Variants in CFAP299 observed in about 807,000 individuals in gnomAD.
CFAP299 encodes the protein cilia and flagella associated protein 299.
A neutral mutation model predicts 27.0 loss-of-function variants in CFAP299; 21 were observed. The ratio of observed to expected loss-of-function variants is 0.78; its 90% confidence interval spans 0.55 to 1.12. The LOEUF is 1.12. Among genes scored for constraint, CFAP299 ranks in the 50% most tolerant of loss-of-function variants. The pLI is 0.00. For synonymous variants in CFAP299, 104 were observed against 98.1 expected (o/e 1.06, Z -0.36); for missense variants, 310 against 276.6 (o/e 1.12, Z -0.86).
chr4:80,745,170 A>G (rs1161744980), intron 3 of CFAP299, among the ~76,000 whole-genome samples: 2 of 152,196 alleles, frequency 1.3e-5, no homozygotes, highest in Non-Finnish European at 2.9e-5. Flanking sequence ...GCTAGGCTTA[A>G]TACCATTATC....
chr4:80,379,457 GT>G (rs140888859), intron 2 of CFAP299, among the ~76,000 whole-genome samples: 13,249 of 151,604 alleles, frequency 0.087, 1,040 homozygotes, highest in African/African-American at 0.2. Flanking sequence ...ATTTGTTTTA[GT>G]TTTCTAGTGC....
At chr4:80,916,534 C>G (rs1021327571) in intron 4 of CFAP299, among the ~76,000 whole-genome samples, 2 of 151,676 alleles carry the variant, frequency 1.3e-5, no homozygotes, top group African/African-American at 2.4e-5. Context: ...CTAAGTTGCC[C>G]CTACAACTTT....
chr4:80,561,146 A>G (rs76234209), intron 2 of CFAP299, among the ~76,000 whole-genome samples: 689 of 152,248 alleles, frequency 4.5e-3, no homozygotes, highest in Middle Eastern at 0.01. Context: ...GGGAGAATGT[A>G]AGAGAAGAGA....
chr4:80,593,390 C>T (rs1244321489), intron 3 of CFAP299, among the ~76,000 whole-genome samples: 2 of 152,194 alleles, frequency 1.3e-5, no homozygotes, highest in African/African-American at 4.8e-5. Context: ...TGCTACTCCT[C>T]TTCATATCTG....
chr4:80,903,362 A>T (rs1735022985), intron 4 of CFAP299, among the ~76,000 whole-genome samples: 2 of 152,122 alleles, frequency 1.3e-5, no homozygotes, highest in South Asian at 2.1e-4. Flanking sequence ...TATTATCAAG[A>T]AAAACAAATT....
At chr4:80,657,914 T>C (rs1740645501) in intron 3 of CFAP299, among the ~76,000 whole-genome samples, 1 of 152,182 alleles carries the variant, frequency 6.6e-6, no homozygotes, top group East Asian at 1.9e-4. Context: ...CCTTGAGCTC[T>C]GGTTTGTACT....
At chr4:80,658,597 G>A (rs1407992417) in intron 3 of CFAP299, among the ~76,000 whole-genome samples, 4 of 152,136 alleles carry the variant, frequency 2.6e-5, no homozygotes, top group Admixed American at 2.6e-4. Flanking sequence ...ACCAGGAAAA[G>A]TGTTCTGGGG....
intron 2 of CFAP299, among the ~76,000 whole-genome samples, chr4:80,537,783 G>A (rs1387828920): frequency 6.6e-6 from 1 of 151,868 alleles, no homozygotes; most frequent in Non-Finnish European, 1.5e-5. Context: ...AGTTAATAAT[G>A]TATTGTAGAC....
At chr4:80,947,214 G>T (rs1737519920) in intron 5 of CFAP299, among the ~76,000 whole-genome samples, 1 of 152,192 alleles carries the variant, frequency 6.6e-6, no homozygotes, top group Non-Finnish European at 1.5e-5. Flanking sequence ...TAAATTTGAA[G>T]AAATTTTTTT....
chr4:80,431,209 G>C (rs143235570), intron 2 of CFAP299, among the ~76,000 whole-genome samples: 101 of 152,282 alleles, frequency 6.6e-4, no homozygotes, highest in African/African-American at 2.2e-3. Context: ...TGTTTTATCT[G>C]TTTTGTTCAG....
intron 3 of CFAP299, among the ~76,000 whole-genome samples, chr4:80,604,803 T>C (rs1737559456): frequency 6.6e-6 from 1 of 151,438 alleles, no homozygotes; most frequent in East Asian, 1.9e-4. Flanking sequence ...TACAAGAGTA[T>C]GAATTGCACG....
intron 3 of CFAP299, among the ~76,000 whole-genome samples, chr4:80,771,869 T>A (rs1380665165): frequency 6.6e-6 from 1 of 152,198 alleles, no homozygotes; most frequent in East Asian, 1.9e-4. Flanking sequence ...TAGAGCCTGG[T>A]CAAATGTCTA....
intron 3 of CFAP299, among the ~76,000 whole-genome samples, chr4:80,717,199 G>A (rs534436424): frequency 1.7e-4 from 26 of 152,170 alleles, no homozygotes; most frequent in African/African-American, 6.3e-4. Flanking sequence ...TACTATGATA[G>A]GGTAAACTAA....
At chr4:80,467,173 ATTTG>A in intron 2 of CFAP299, among the ~76,000 whole-genome samples, 1 of 152,230 alleles carries the variant, frequency 6.6e-6, no homozygotes, top group East Asian at 1.9e-4. Context: ...CACTTCTCAT[ATTTG>A]TTGTCTGCTA....
chr4:80,537,180 A>C lies in CFAP299; in HGVS notation c.243-45913A>C, dbSNP rs1335449179. Among the ~76,000 whole-genome samples, 3 of 152,232 alleles carry C rather than the reference A, an allele frequency of 2.0e-5. No homozygotes were observed. In the East Asian group the frequency reaches 5.8e-4, roughly 29 times the overall value. ...AACTGTAGAATGGCTGTTTTTGAAA[A>C]ACAATAAGTATTGATGAGGATGTAG... On this transcript the variant is annotated intron_variant, in intron 2 of 5. Transcript: ENST00000358105.
intron 3 of CFAP299, among the ~76,000 whole-genome samples, chr4:80,600,474 T>C (rs1737277332): frequency 6.6e-6 from 1 of 152,150 alleles, no homozygotes; most frequent in Admixed American, 6.5e-5. Context: ...TTTGACAGTG[T>C]ACGTTTATTT....
At chr4:80,829,259 A>G (rs1346524432) in intron 3 of CFAP299, among the ~76,000 whole-genome samples, 2 of 152,064 alleles carry the variant, frequency 1.3e-5, no homozygotes, top group Non-Finnish European at 2.9e-5. Flanking sequence ...ATTCAAAAGT[A>G]TAAAAGGACT....
intron 3 of CFAP299, among the ~76,000 whole-genome samples, chr4:80,862,343 C>G (rs892426371): frequency 6.6e-6 from 1 of 151,984 alleles, no homozygotes; most frequent in Non-Finnish European, 1.5e-5. Flanking sequence ...GCACTCCAGT[C>G]TGGGCAGCAG....
At chr4:80,668,037 C>A (rs961459605) in intron 3 of CFAP299, among the ~76,000 whole-genome samples, 2 of 151,994 alleles carry the variant, frequency 1.3e-5, no homozygotes, top group African/African-American at 4.8e-5. Flanking sequence ...AATGATATCT[C>A]ATTGTGGTTT....
Sources: gnomAD v4.1 joint callset for allele counts (sites outside exome capture counted in the v4.1 genomes callset) on GRCh38, gnomAD v4.1.1 for gene constraint, MANE v1.5 for transcripts, NCBI Gene and HGNC (gene_info 2026-07-23, HGNC 2026-07-21) for gene names.